MSRB3: variants seen among roughly 807,000 people sequenced by gnomAD.
MSRB3 encodes the protein methionine-R-sulfoxide reductase B3.
In MSRB3, 13 loss-of-function variants were observed where a neutral mutation model predicts 21.0. The ratio of observed to expected loss-of-function variants is 0.62; its 90% confidence interval spans 0.40 to 0.98. MSRB3 has a LOEUF of 0.98. Ranked by LOEUF, MSRB3 falls within the 50% of genes least tolerant of loss-of-function variation. MSRB3 has a pLI of 0.00. For synonymous variants in MSRB3, 87 were observed against 88.6 expected, an observed-to-expected ratio of 0.98 and a Z score of 0.10; for missense variants, 199 against 230.3, an observed-to-expected ratio of 0.86 and a Z score of 0.88.
chr12:65,379,272 A>G (rs1179644120), intron 5 of MSRB3, among the ~76,000 whole-genome samples: 2 of 152,098 alleles, frequency 1.3e-5, no homozygotes, highest in Non-Finnish European at 2.9e-5. Context: ...TTGCTGTTGG[A>G]CCTGGACAAT....
At chr12:65,330,441 C>T (rs7967829) in intron 4 of MSRB3, among the ~76,000 whole-genome samples, 61,670 of 152,002 alleles carry the variant, frequency 0.41, 14,001 homozygotes, top group African/African-American at 0.61. Flanking sequence ...TTTTTACTTG[C>T]TTTCTTGTCT....
intron 2 of MSRB3, among the ~76,000 whole-genome samples, chr12:65,319,349 A>G (rs1056660152): frequency 5.3e-5 from 8 of 152,098 alleles, no homozygotes; most frequent in Non-Finnish European, 7.4e-5. Flanking sequence ...TGATCATACT[A>G]TATCTATTGG....
chr12:65,354,871 A>T (rs1422932263), intron 4 of MSRB3, among the ~76,000 whole-genome samples: 1 of 151,872 alleles, frequency 6.6e-6, no homozygotes, highest in South Asian at 2.1e-4. Context: ...GCTGAAATGG[A>T]GACAATGTGT....
intron 4 of MSRB3, among the ~76,000 whole-genome samples, chr12:65,346,620 T>C (rs891790523): frequency 2.0e-5 from 3 of 152,214 alleles, no homozygotes; most frequent in African/African-American, 7.2e-5. Flanking sequence ...TTGGCTTTTG[T>C]TGCCATTGCT....
Position 65,419,312 on chromosome 12 carries a change from C to A in MSRB3, c.293-34416C>A, listed in dbSNP as rs2136639943. ...AGGTCCTGAGATTTGGGGGCATCTA[C>A]CTCCAAGATCAAACCAGAGCTGACA... On this transcript the variant is annotated intron_variant, in intron 5 of 6. Transcript: ENST00000308259. 4.0e-6 allele frequency: 3 copies of A among 755,140 alleles called. 1 individual carries two copies. The Middle Eastern group carries it at 1.0e-3, about 257-fold the overall frequency. The allele number at this position is 755,140 out of a possible 1,614,324, so 46.8% of individuals were successfully genotyped here.
chr12:65,358,024 C>G (rs1268581209), intron 4 of MSRB3, among the ~76,000 whole-genome samples: 1 of 151,936 alleles, frequency 6.6e-6, no homozygotes, highest in African/African-American at 2.4e-5. Context: ...TTATGTTCCC[C>G]ATCCTTGAAG....
chr12:65,334,779 A>T (rs1875652831), intron 4 of MSRB3, among the ~76,000 whole-genome samples: 1 of 152,210 alleles, frequency 6.6e-6, no homozygotes, highest in Non-Finnish European at 1.5e-5. Flanking sequence ...GCCATTCAAC[A>T]TCTGGGAGCT....
intron 4 of MSRB3, among the ~76,000 whole-genome samples, chr12:65,340,246 T>G (rs1034283524): frequency 6.6e-6 from 1 of 152,106 alleles, no homozygotes; most frequent in Non-Finnish European, 1.5e-5. Context: ...AACAGCATAT[T>G]AGACACACAA....
chr12:65,411,198 C>T lies in MSRB3; in HGVS notation c.292+42172C>T, dbSNP rs143311750. ...GTGGCAATTATTGAAGTGGGACATACATCAAGTGAATAAACGGGTGTTTCC... is the reference window on the plus strand; with the variant it reads ...GTGGCAATTATTGAAGTGGGACATATATCAAGTGAATAAACGGGTGTTTCC... On this transcript the variant is annotated intron_variant, in intron 5 of 6. Coordinates refer to ENST00000308259, the MANE Select transcript of MSRB3 (RefSeq NM_001031679.3). 3.4e-3 allele frequency among the ~76,000 whole-genome samples: 511 copies of T among 152,292 alleles called. 5 individuals are homozygous for T. The highest frequency in any genetic ancestry group is 0.011 in the African/African-American group (471 of 41,560).
chr12:65,326,669 T>C (rs1875052213), intron 2 of MSRB3, among the ~76,000 whole-genome samples, 157 bp from the exon 3 acceptor site: 1 of 152,186 alleles, frequency 6.6e-6, no homozygotes. Flanking sequence ...CGTAGAGAAA[T>C]AATCAGCTGC....
chr12:65,337,792 C>T (rs1259153360), intron 4 of MSRB3, among the ~76,000 whole-genome samples: 1 of 152,144 alleles, frequency 6.6e-6, no homozygotes, highest in Admixed American at 6.5e-5. Context: ...TGATCCATCT[C>T]ATCCAAAATA....
intron 6 of MSRB3, among the ~76,000 whole-genome samples, chr12:65,461,176 C>T (rs1270588932): frequency 6.6e-6 from 1 of 152,178 alleles, no homozygotes; most frequent in Admixed American, 6.5e-5. Flanking sequence ...TAATTGTGCA[C>T]ACACACTGGT....
At chr12:65,361,495 A>G (rs1377411491) in intron 4 of MSRB3, among the ~76,000 whole-genome samples, 1 of 152,162 alleles carries the variant, frequency 6.6e-6, no homozygotes, top group Non-Finnish European at 1.5e-5. Context: ...CTCAGAGGTC[A>G]ATTTGTGGAA....
chr12:65,335,463 A>C (rs188035438), intron 4 of MSRB3, among the ~76,000 whole-genome samples: 20 of 152,306 alleles, frequency 1.3e-4, no homozygotes, highest in Admixed American at 9.2e-4. Flanking sequence ...GCCATTTTTC[A>C]GCTCTTTAAG....
chr12:65,373,420 T>C (rs1044411680), intron 5 of MSRB3, among the ~76,000 whole-genome samples: 4 of 152,210 alleles, frequency 2.6e-5, no homozygotes, highest in African/African-American at 9.6e-5. Context: ...ACCGTAATTC[T>C]GTGGTCCCAA....
intron 6 of MSRB3, among the ~76,000 whole-genome samples, chr12:65,460,977 G>GA (rs150618902): frequency 0.022 from 3,352 of 152,154 alleles, 130 homozygotes; most frequent in African/African-American, 0.077. Flanking sequence ...TTTTGGTGTA[G>GA]AATAAATAGA....
intron 6 of MSRB3, among the ~76,000 whole-genome samples, chr12:65,459,851 A>T (rs1031918592): frequency 1.3e-5 from 2 of 152,196 alleles, no homozygotes; most frequent in Non-Finnish European, 2.9e-5. Context: ...TTAAGGAATT[A>T]TGTTAAACTT....
chr12:65,419,628 C>T (rs1451773090), intron 5 of MSRB3: 7 of 710,424 alleles, frequency 9.9e-6, no homozygotes, highest in Non-Finnish European at 1.6e-5. Flanking sequence ...CCTCGATGGT[C>T]TTGAAATAAT....
intron 5 of MSRB3, among the ~76,000 whole-genome samples, chr12:65,441,417 A>G (rs1295346161): frequency 5.9e-5 from 9 of 151,974 alleles, no homozygotes; most frequent in African/African-American, 2.2e-4. Context: ...ACAAATATTA[A>G]TAAGTTACCT....
Sources: allele counts gnomAD v4.1 joint callset (sites outside exome capture counted in the v4.1 genomes callset), GRCh38; gene constraint gnomAD v4.1.1; transcripts MANE v1.5; gene names NCBI Gene and HGNC (gene_info 2026-07-23, HGNC 2026-07-21).